The following BPIFB1 variants were observed in gnomAD, a reference collection of about 807,000 sequenced individuals.
BPIFB1 encodes BPI fold-containing family B member 1.
Under a neutral mutation model 55.1 loss-of-function variants are expected in BPIFB1, and 34 were observed. The observed-to-expected ratio is 0.62, with a 90% CI of 0.47 to 0.82. The LOEUF is 0.82. BPIFB1 is among the 40% of genes least tolerant of loss of function. The pLI is 0.00. For synonymous variants in BPIFB1, 236 were observed against 245.3 expected (o/e 0.96, Z 0.35); for missense variants, 532 against 593.1 (o/e 0.90, Z 1.07).
chr20:33,293,468 A>G (rs941210857), intron 6 of BPIFB1, among the ~76,000 whole-genome samples: 54 of 152,222 alleles, frequency 3.5e-4, no homozygotes, highest in Non-Finnish European at 3.7e-4. Context: ...TAATTTACGA[A>G]AACATTCCAG....
intron 5 of BPIFB1, 104 bp downstream of exon 5, chr20:33,291,210 A>C: frequency 7.1e-7 from 1 of 1,408,010 alleles, no homozygotes; most frequent in Non-Finnish European, 9.6e-7. Flanking sequence ...GGCCTAGAGA[A>C]AGAAAGGGAC....
intron 12 of BPIFB1, among the ~76,000 whole-genome samples, chr20:33,304,356 C>T (rs1460095376): frequency 7.2e-5 from 11 of 152,204 alleles, no homozygotes; most frequent in Non-Finnish European, 1.6e-4. Flanking sequence ...TCTCCCTCCC[C>T]GCCACTTTCC....
chr20:33,302,998 C>T lies in BPIFB1; in HGVS notation c.1064C>T (p.Ala355Val). ...TPEFFIDQGH[A>V]KVAQLIVLEV... ...GAGTTTTTTATAGACCAAGGCCATG[C>T]CAAGGTGGCCCAACTGATCGTGCTG... The change falls in exon 11 of 16, where the codon GCC becomes GTC. Residue 355 changes from alanine (A) to valine (V), a missense_variant. Transcript: ENST00000253354. 1 of 1,614,146 alleles carries T rather than the reference C, an allele frequency of 6.2e-7. No individual in the cohort carries two copies. The highest frequency in any genetic ancestry group is 1.1e-5 in the South Asian group (1 of 91,086).
chr20:33,300,022 T>C (rs1331082599), intron 8 of BPIFB1, 38 bp downstream of exon 8: 7 of 1,564,538 alleles, frequency 4.5e-6, no homozygotes, highest in Non-Finnish European at 5.3e-6. Flanking sequence ...AGTGGGGACA[T>C]TGCTGCCCTT....
intron 6 of BPIFB1, among the ~76,000 whole-genome samples, chr20:33,295,408 C>T (rs1251633807): frequency 6.6e-6 from 1 of 151,966 alleles, no homozygotes; most frequent in Non-Finnish European, 1.5e-5. Context: ...GAGCTTGAGA[C>T]CAGCCTGGCC....
chr20:33,290,126 G>C, intron 4 of BPIFB1, 134 bp downstream of exon 4: 1 of 690,924 alleles, frequency 1.4e-6, no homozygotes, highest in African/African-American at 1.8e-5. Flanking sequence ...GAGGCCCTGT[G>C]GCAGCAGTGT....
At chr20:33,297,619 C>T (rs149679741) in intron 7 of BPIFB1, 31 bp downstream of exon 7, 2 of 1,613,044 alleles carry the variant, frequency 1.2e-6, no homozygotes, top group East Asian at 2.2e-5. Context: ...CCCACTTTTT[C>T]CTTTACTACG....
chr20:33,288,602 C>A, intron 2 of BPIFB1, 139 bp from the exon 3 acceptor site: 1 of 992,118 alleles, frequency 1.0e-6, no homozygotes, highest in East Asian at 2.6e-5. Context: ...TGGTCCTGAC[C>A]TCCACCACAG....
intron 3 of BPIFB1, among the ~76,000 whole-genome samples, chr20:33,289,285 G>A (rs940808477): frequency 1.6e-4 from 25 of 152,056 alleles, no homozygotes; most frequent in African/African-American, 6.0e-4. Flanking sequence ...GGAGGCTGAG[G>A]CAGGAGAATC....
Position 33,301,391 on chromosome 20 carries a change from C to A in BPIFB1, c.906C>A (p.Phe302Leu). ...AVAAVLSPEEFMVLLDSVLPE... is the reference protein window; with the variant it reads ...AVAAVLSPEELMVLLDSVLPE... ...CTGCTGTGCTCTCTCCAGAAGAATT[C>A]ATGGTCCTGTTGGACTCTGTGGTAA... The change falls in exon 9 of 16, where the codon TTC becomes TTA. Residue 302 changes from phenylalanine to leucine, a missense_variant. By Grantham distance (22) the Phe-to-Leu change is conservative. Transcript: ENST00000253354. 6.2e-7 allele frequency: 1 copy of A among 1,613,938 alleles called. No individual in the cohort carries two copies. Among genetic ancestry groups the A allele is most frequent in the Non-Finnish European group, 8.5e-7 (1 of 1,179,992 alleles).
chr20:33,297,102 G>A (rs1980677841), intron 6 of BPIFB1, among the ~76,000 whole-genome samples: 1 of 152,200 alleles, frequency 6.6e-6, no homozygotes, highest in Non-Finnish European at 1.5e-5. Context: ...TGTATCTTTA[G>A]TAGAGATGAG....
intron 6 of BPIFB1, among the ~76,000 whole-genome samples, chr20:33,293,074 A>C (rs1389723044): frequency 6.6e-6 from 1 of 152,160 alleles, no homozygotes; most frequent in Non-Finnish European, 1.5e-5. Context: ...GATGAGCACC[A>C]CCAGGCATGG....
intron 7 of BPIFB1, 148 bp from the exon 8 acceptor site, chr20:33,299,751 G>A (rs773992593): frequency 3.1e-4 from 202 of 662,128 alleles, no homozygotes; most frequent in Non-Finnish European, 5.3e-4. Context: ...ATCACTGTTT[G>A]CATCATTATT....
chr20:33,304,325 T>G (rs1980948780), intron 12 of BPIFB1, among the ~76,000 whole-genome samples: 1 of 152,190 alleles, frequency 6.6e-6, no homozygotes, highest in Admixed American at 6.5e-5. Context: ...GGGCTCCAGC[T>G]GCCTCCTGCA....
intron 13 of BPIFB1, 128 bp downstream of exon 13, chr20:33,305,019 T>A: frequency 1.9e-6 from 2 of 1,065,236 alleles, no homozygotes; most frequent in Non-Finnish European, 2.8e-6. Flanking sequence ...GGCTGGCCGG[T>A]CTCCACCAAA....
At chr20:33,288,103 C>T (rs1425555648) in intron 2 of BPIFB1, among the ~76,000 whole-genome samples, 2 of 152,302 alleles carry the variant, frequency 1.3e-5, no homozygotes, top group East Asian at 3.9e-4. Context: ...GATATTGATA[C>T]ACCAACTCTC....
At chr20:33,294,301 C>T (rs1980564185) in intron 6 of BPIFB1, among the ~76,000 whole-genome samples, 1 of 151,980 alleles carries the variant, frequency 6.6e-6, no homozygotes, top group Non-Finnish European at 1.5e-5. Context: ...TGGGGAGAGA[C>T]AGAGAGAGAT....
At chr20:33,297,134 TG>T (rs1057395986) in intron 6 of BPIFB1, among the ~76,000 whole-genome samples, 2 of 152,230 alleles carry the variant, frequency 1.3e-5, no homozygotes, top group African/African-American at 4.8e-5. Context: ...CTGGCCAGGC[TG>T]GTCTCAAACT....
chr20:33,297,610 C>A (rs368569907), intron 7 of BPIFB1, 22 bp downstream of exon 7: 77 of 1,613,674 alleles, frequency 4.8e-5, no homozygotes, highest in Non-Finnish European at 6.2e-5. Context: ...GCTCTCTCTC[C>A]CACTTTTTCC....
Sources: gnomAD v4.1 joint callset for allele counts (sites outside exome capture counted in the v4.1 genomes callset) on GRCh38, gnomAD v4.1.1 for gene constraint, MANE v1.5 for transcripts, NCBI Gene and HGNC (gene_info 2026-07-23, HGNC 2026-07-21) for gene names.